Variants in CA5A observed in about 807,000 individuals in gnomAD.
CA5A encodes carbonic anhydrase 5A.
A neutral mutation model predicts 37.1 loss-of-function variants in CA5A; 28 were observed. That is an observed-to-expected ratio of 0.75 (90% CI 0.56 to 1.03). CA5A has a LOEUF of 1.03. Ranked by LOEUF, CA5A falls within the 50% of genes least tolerant of loss-of-function variation. The pLI is 0.00. For synonymous variants in CA5A, 171 were observed against 158.4 expected, an observed-to-expected ratio of 1.08 and a Z score of -0.60; for missense variants, 444 against 399.9, an observed-to-expected ratio of 1.11 and a Z score of -0.94.
At chr16:87,932,247 A>G (rs905088517) in intron 1 of CA5A, among the ~76,000 whole-genome samples, 1 of 152,140 alleles carries the variant, frequency 6.6e-6, no homozygotes, top group African/African-American at 2.4e-5. Context: ...GGCATTTAAC[A>G]TGGCTACACA....
intron 5 of CA5A, among the ~76,000 whole-genome samples, chr16:87,898,103 C>A (rs1224349985): frequency 6.6e-6 from 1 of 152,180 alleles, no homozygotes; most frequent in African/African-American, 2.4e-5. Context: ...AGGGAGTGAC[C>A]GTGGCAGGCA....
At chr16:87,895,104 G>A (rs1468926206) in intron 5 of CA5A, among the ~76,000 whole-genome samples, 2 of 151,992 alleles carry the variant, frequency 1.3e-5, no homozygotes, top group Non-Finnish European at 2.9e-5. Flanking sequence ...ACAAAAACTA[G>A]CCAGGTGCAG....
At chr16:87,884,658 C>G (rs1249369940), downstream of CA5A, 1 of 151,934 alleles carries the variant, frequency 6.6e-6, no homozygotes, top group Admixed American at 6.6e-5. Flanking sequence ...TGTTTGAACC[C>G]GGGAGGCAGA....
intron 5 of CA5A, chr16:87,893,493 T>G: frequency 1.8e-6 from 1 of 554,462 alleles, no homozygotes; most frequent in Non-Finnish European, 3.5e-6. Context: ...ATTACCTTCA[T>G]CTGTCCCTGG....
chr16:87,923,692 ATAAC>A (rs2056261495), intron 2 of CA5A: 2 of 985,330 alleles, frequency 2.0e-6, no homozygotes, highest in Non-Finnish European at 2.4e-6. Flanking sequence ...ATTTTGTAAA[ATAAC>A]AAACAAAAGT....
chr16:87,923,644 C>A (rs751414633), intron 2 of CA5A: 5 of 985,310 alleles, frequency 5.1e-6, no homozygotes, highest in Non-Finnish European at 6.0e-6. Context: ...TGGGTGTCAG[C>A]TCAGGGTCAG....
intron 2 of CA5A, among the ~76,000 whole-genome samples, chr16:87,912,987 TG>T (rs889694882): frequency 6.9e-6 from 1 of 144,782 alleles, no homozygotes; most frequent in Non-Finnish European, 1.5e-5. Context: ...AACCGCAACA[TG>T]GTTTTTTTTT....
intron 1 of CA5A, among the ~76,000 whole-genome samples, chr16:87,932,200 C>G (rs1287835771): frequency 6.6e-6 from 1 of 152,156 alleles, no homozygotes. Context: ...CCCCCCCTCC[C>G]ACGGCCGCTG....
At chr16:87,931,303 G>T (rs959619836) in intron 1 of CA5A, among the ~76,000 whole-genome samples, 5 of 151,448 alleles carry the variant, frequency 3.3e-5, no homozygotes, top group African/African-American at 1.2e-4. Context: ...GTAGAGACGG[G>T]GTTTCACCAT....
chr16:87,896,772 C>G (rs1210717217), intron 5 of CA5A, among the ~76,000 whole-genome samples: 1 of 152,210 alleles, frequency 6.6e-6, no homozygotes, highest in Non-Finnish European at 1.5e-5. Flanking sequence ...TCCCTAGTAG[C>G]TGGGATTACA....
chr16:87,910,673 G>T (rs956249877), intron 2 of CA5A, among the ~76,000 whole-genome samples: 3 of 152,056 alleles, frequency 2.0e-5, no homozygotes, highest in African/African-American at 7.2e-5. Context: ...TGCCTCCCAG[G>T]TTCCAGTGAT....
At chr16:87,895,191 A>G (rs915428610) in intron 5 of CA5A, among the ~76,000 whole-genome samples, 1 of 152,184 alleles carries the variant, frequency 6.6e-6, no homozygotes, top group African/African-American at 2.4e-5. Context: ...TTGAGGCTGC[A>G]GTGAGCTGTG....
downstream of CA5A, chr16:87,883,640 A>G (rs1202269458): frequency 8.9e-6 from 1 of 112,608 alleles, no homozygotes; most frequent in East Asian, 2.6e-4. Context: ...TACTTTTCGT[A>G]TTTTTTTTTT....
chr16:87,912,640 G>T (rs1443263103), intron 2 of CA5A, among the ~76,000 whole-genome samples: 1 of 152,262 alleles, frequency 6.6e-6, no homozygotes, highest in Admixed American at 6.5e-5. Flanking sequence ...ATCCAGGAGG[G>T]GCAGACGGTG....
At chr16:87,925,350 G>C (rs2056290297) in intron 2 of CA5A, among the ~76,000 whole-genome samples, 1 of 152,180 alleles carries the variant, frequency 6.6e-6, no homozygotes, top group Non-Finnish European at 1.5e-5. Context: ...GGAGCTTCTG[G>C]AGTCCTCACC....
chr16:87,914,695 G>A (rs1234740613), intron 2 of CA5A, among the ~76,000 whole-genome samples: 1 of 152,116 alleles, frequency 6.6e-6, no homozygotes, highest in Non-Finnish European at 1.5e-5. Flanking sequence ...AGAGCAGGAG[G>A]GAGGACGTGG....
At chr16:87,892,940 C>T (rs1203620508) in intron 5 of CA5A, 11 of 803,818 alleles carry the variant, frequency 1.4e-5, no homozygotes, top group Admixed American at 2.1e-5. Context: ...AGCCACTGTG[C>T]CCGGCCTATG....
At chr16:87,904,104 G>A (rs971114397) in intron 3 of CA5A, among the ~76,000 whole-genome samples, 2 of 152,134 alleles carry the variant, frequency 1.3e-5, no homozygotes, top group African/African-American at 4.8e-5. Context: ...CACTTTGGGA[G>A]GCTGAGGTGG....
intron 2 of CA5A, among the ~76,000 whole-genome samples, chr16:87,920,034 C>T (rs555371050): frequency 6.6e-6 from 1 of 152,136 alleles, no homozygotes; most frequent in East Asian, 1.9e-4. Context: ...TCAGGAGGGC[C>T]GGGCTTACCT....
Sources: gnomAD v4.1 joint callset for allele counts (sites outside exome capture counted in the v4.1 genomes callset) on GRCh38, gnomAD v4.1.1 for gene constraint, MANE v1.5 for transcripts, NCBI Gene and HGNC (gene_info 2026-07-23, HGNC 2026-07-21) for gene names.